Variants in FBXO33 observed in about 807,000 individuals in gnomAD.
The protein encoded by FBXO33 is F-box protein 33, also known as F-box only protein 33.
In FBXO33, 22 loss-of-function variants were observed where a neutral mutation model predicts 46.3. The ratio of observed to expected loss-of-function variants is 0.48; its 90% CI spans 0.34 to 0.68. FBXO33 has a LOEUF of 0.68. FBXO33 is among the 30% of genes least tolerant of loss of function. FBXO33 has a pLI of 0.01. For missense variants in FBXO33, 692 were observed against 708.8 expected (o/e 0.98, Z 0.27); for synonymous variants, 337 against 291.3 (o/e 1.16, Z -1.60).
intron 1 of FBXO33, among the ~76,000 whole-genome samples, chr14:39,425,243 C>G (rs1377390962): frequency 6.6e-6 from 1 of 152,150 alleles, no homozygotes; most frequent in Non-Finnish European, 1.5e-5. Flanking sequence ...ACCTTGTTCT[C>G]TCTTCTGTGG....
rs565065921 is a variant in FBXO33 at position 39,422,484 on chromosome 14, C to G, written c.599+9080G>C. On this transcript the variant is annotated intron_variant, in intron 1 of 3. Transcript: ENST00000298097. The stretch of plus-strand genomic sequence containing the variant: ...ATCACATCACTGTCTTTGCTCAAAA[C>G]TCTCTGATGACACCTCATCTAAGAG... 3.9e-5 allele frequency among the ~76,000 whole-genome samples: 6 copies of G among 152,356 alleles called. No homozygotes were observed. In the East Asian group the frequency reaches 9.6e-4, roughly 24 times the overall value.
chr14:39,406,815 C>T (rs12880644), intron 1 of FBXO33, among the ~76,000 whole-genome samples: 41,015 of 151,986 alleles, frequency 0.27, 5,791 homozygotes, highest in East Asian at 0.51. Context: ...TAAGGTAACA[C>T]GGCTCACAAC....
intron 1 of FBXO33, among the ~76,000 whole-genome samples, chr14:39,425,004 A>T (rs2075504207): frequency 6.6e-6 from 1 of 152,152 alleles, no homozygotes. Flanking sequence ...GTGAGCCGAG[A>T]TCATGCCACT....
At chr14:39,430,602 G>A (rs1213240210) in intron 1 of FBXO33, among the ~76,000 whole-genome samples, 1 of 152,154 alleles carries the variant, frequency 6.6e-6, no homozygotes, top group African/African-American at 2.4e-5. Context: ...GCCACTGAGA[G>A]GCTCAAACAA....
rs146515711 is a variant in FBXO33, at chr14:39,431,509, C to G, written c.599+55G>C. 656 of 1,600,152 alleles carry G rather than the reference C, an allele frequency of 4.1e-4. 2 individuals are homozygous for G. In the African/African-American group the frequency reaches 5.5e-3, roughly 13 times the overall value. On this transcript the variant is annotated intron_variant, in intron 1 of 3. Coordinates refer to ENST00000298097, the MANE Select transcript of FBXO33 (RefSeq NM_203301.4). ...TATGCACAGAATCTGTGTCGGGGTG[C>G]GGGGACGGAGCGACCCCCCGTTACC...
chr14:39,409,765 G>T (rs1253262452), intron 1 of FBXO33, among the ~76,000 whole-genome samples: 1 of 152,122 alleles, frequency 6.6e-6, no homozygotes, highest in African/African-American at 2.4e-5. Flanking sequence ...CAGTAAAACA[G>T]AAGACTTTCA....
chr14:39,422,038 G>A (rs2075487820), intron 1 of FBXO33, among the ~76,000 whole-genome samples: 1 of 152,104 alleles, frequency 6.6e-6, no homozygotes, highest in African/African-American at 2.4e-5. Context: ...CAGGTGGATT[G>A]CCTGAGCTCA....
intron 1 of FBXO33, among the ~76,000 whole-genome samples, chr14:39,405,727 A>T (rs879404485): frequency 5.9e-5 from 9 of 151,886 alleles, no homozygotes; most frequent in Non-Finnish European, 1.2e-4. Context: ...GCTACATTTT[A>T]AAAAATTCAT....
intron 1 of FBXO33, among the ~76,000 whole-genome samples, chr14:39,403,152 GTTAAT>G (rs1000507376): frequency 2.6e-5 from 4 of 152,248 alleles, no homozygotes; most frequent in African/African-American, 7.2e-5. Flanking sequence ...TCTCAAACCA[GTTAAT>G]TTAGTCAACA....
rs769664193 is a variant in FBXO33 at position 39,399,594 on chromosome 14, G to A, written c.1590C>T (p.Asp530=). The A allele has an allele frequency of 3.1e-6, 5 of 1,613,590 alleles. No homozygotes were observed. The highest frequency in any genetic ancestry group is 1.7e-5 in the Admixed American group (1 of 59,928). Residue 530 remains aspartate (D), a synonymous_variant, in exon 4 of 4, where the codon GAC becomes GAT. Coordinates refer to ENST00000298097, the MANE Select transcript of FBXO33 (RefSeq NM_203301.4). ...GLGQPWHAVM[D]IESLSVFTEP... is the part of the protein sequence containing the mutation. ...CAGTGAAGACACTGAGTGATTCGAT[G>A]TCCATGACTGCATGCCAAGGTTGAC...
In FBXO33 at chr14:39,431,966, G is replaced by A. The variant is rs1009504396; in HGVS notation, c.197C>T (p.Ala66Val). 3.3e-6 allele frequency: 5 copies of A among 1,526,656 alleles called. No individual in the cohort carries two copies. Among genetic ancestry groups the A allele is most frequent in the African/African-American group, 1.4e-5 (1 of 72,662 alleles). The allele number at this position is 1,526,656 out of a possible 1,614,324, so 94.6% of individuals were successfully genotyped here. A position where few individuals can be genotyped will look rare whatever the true frequency, so the allele number is the denominator to read the frequency against. ...CTCGCTGGGCAGCGACGCAGCGCCCGCCGCCTGCCCGCACAGAGCCATCCG... is the reference window on the plus strand; with the variant it reads ...CTCGCTGGGCAGCGACGCAGCGCCCACCGCCTGCCCGCACAGAGCCATCCG... ...RGRMALCGQA[A>V]GAASLPSELI... The change falls in exon 1 of 4, where the codon GCG becomes GTG. Residue 66 changes from alanine (A) to valine (V), a missense_variant. By Grantham distance (64) the Ala-to-Val change is moderately conservative. Around this residue, in one of 3 missense-constraint regions of FBXO33, gnomAD observed 412 missense variants for 370.8 expected, o/e 1.11. Transcript: ENST00000298097.
intron 1 of FBXO33, 52 bp from the exon 2 acceptor site, chr14:39,402,563 A>G: frequency 1.2e-6 from 1 of 857,306 alleles, no homozygotes; most frequent in Non-Finnish European, 1.6e-6. Flanking sequence ...TACTTAAAAA[A>G]TATAAATATA....
At chr14:39,410,003 T>C (rs1310437612) in intron 1 of FBXO33, among the ~76,000 whole-genome samples, 5 of 152,318 alleles carry the variant, frequency 3.3e-5, no homozygotes, top group African/African-American at 1.2e-4. Context: ...GTTTTTCTTT[T>C]CAGATTTGGA....
At chr14:39,423,025 G>C (rs1290483621) in intron 1 of FBXO33, among the ~76,000 whole-genome samples, 1 of 152,100 alleles carries the variant, frequency 6.6e-6, no homozygotes, top group Non-Finnish European at 1.5e-5. Flanking sequence ...GGGAGGCTGA[G>C]GCAGGAGAAC....
At chr14:39,424,142 T>TA (rs1405065233) in intron 1 of FBXO33, among the ~76,000 whole-genome samples, 2 of 152,234 alleles carry the variant, frequency 1.3e-5, no homozygotes, top group African/African-American at 4.8e-5. Flanking sequence ...ACTACAGAGC[T>TA]ACTCCACTTA....
chr14:39,402,379 T>C (rs1453869000), intron 2 of FBXO33, 22 bp downstream of exon 2: 15 of 1,309,962 alleles, frequency 1.1e-5, no homozygotes, highest in Non-Finnish European at 1.5e-5. Context: ...ACAACCTCCT[T>C]TCCATTAACC....
chr14:39,426,704 C>T (rs145665270), intron 1 of FBXO33, among the ~76,000 whole-genome samples: 137 of 152,252 alleles, frequency 9.0e-4, no homozygotes, highest in African/African-American at 2.9e-3. Context: ...GACCTTAGCG[C>T]TTACTGTTTC....
At chr14:39,428,057 T>A (rs999766510) in intron 1 of FBXO33, among the ~76,000 whole-genome samples, 1 of 152,212 alleles carries the variant, frequency 6.6e-6, no homozygotes, top group African/African-American at 2.4e-5. Flanking sequence ...GTATTATTAA[T>A]AGATCCTTTT....
intron 1 of FBXO33, among the ~76,000 whole-genome samples, chr14:39,405,437 G>T (rs192307929): frequency 6.6e-6 from 1 of 151,508 alleles, no homozygotes; most frequent in South Asian, 2.1e-4. Context: ...TGTTAACATG[G>T]TACAGTTTCT....
Sources: gnomAD v4.1 joint callset for allele counts (sites outside exome capture counted in the v4.1 genomes callset) on GRCh38, gnomAD v4.1.1 for gene constraint, gnomAD v4.1.1 regional missense constraint, MANE v1.5 for transcripts, NCBI Gene and HGNC (gene_info 2026-07-23, HGNC 2026-07-21) for gene names.